The following COLGALT2 variants were observed in gnomAD, a reference collection of about 807,000 sequenced individuals.
The protein encoded by COLGALT2 is procollagen galactosyltransferase 2.
In COLGALT2, 49 loss-of-function variants were observed where a neutral mutation model predicts 73.4. The ratio of observed to expected loss-of-function variants is 0.67; its 90% CI spans 0.53 to 0.85. The LOEUF (loss-of-function observed/expected upper bound fraction) is 0.85. Ranked by LOEUF, COLGALT2 falls within the 40% of genes least tolerant of loss-of-function variation. The probability of loss-of-function intolerance (pLI) is 0.00; values close to 1 mark genes in which losing one functional copy is unlikely to be tolerated. For synonymous variants in COLGALT2, 295 were observed against 307.6 expected (o/e 0.96, Z 0.43); for missense variants, 722 against 790.2 (o/e 0.91, Z 1.03).
chr1:183,965,903 C>T (rs906491802), intron 5 of COLGALT2, among the ~76,000 whole-genome samples: 4 of 152,118 alleles, frequency 2.6e-5, no homozygotes, highest in African/African-American at 9.7e-5. Flanking sequence ...AATGGGAGAA[C>T]AGGGTGATGA....
At chr1:183,990,093 T>C (rs186604134) in intron 1 of COLGALT2, among the ~76,000 whole-genome samples, 38 of 152,338 alleles carry the variant, frequency 2.5e-4, no homozygotes, top group African/African-American at 9.1e-4. Flanking sequence ...CACATGCCCA[T>C]AGCAAGGACT....
chr1:184,005,217 C>T (rs1672040383), intron 1 of COLGALT2, among the ~76,000 whole-genome samples: 1 of 152,128 alleles, frequency 6.6e-6, no homozygotes, highest in Non-Finnish European at 1.5e-5. Flanking sequence ...CTCCAGGCTC[C>T]CTGGGCCTAT....
intron 1 of COLGALT2, among the ~76,000 whole-genome samples, chr1:184,002,838 A>G (rs77960807): frequency 0.016 from 2,369 of 152,330 alleles, 16 homozygotes; most frequent in Non-Finnish European, 0.026. Flanking sequence ...TTTAAAATTC[A>G]CATTTTTTTA....
downstream of COLGALT2, among the ~76,000 whole-genome samples, chr1:183,932,615 G>A (rs533410175): frequency 6.6e-6 from 1 of 152,262 alleles, no homozygotes; most frequent in African/African-American, 2.4e-5. Context: ...GGGCGTCCAG[G>A]GCTCCTGCAG....
chr1:183,985,306 C>G (rs1489208965), intron 1 of COLGALT2, among the ~76,000 whole-genome samples: 1 of 152,074 alleles, frequency 6.6e-6, no homozygotes, highest in Non-Finnish European at 1.5e-5. Flanking sequence ...GAGTTTCACT[C>G]TTGTTGCCCA....
At chr1:183,967,633 G>C (rs1174089550) in intron 5 of COLGALT2, among the ~76,000 whole-genome samples, 1 of 152,202 alleles carries the variant, frequency 6.6e-6, no homozygotes, top group Non-Finnish European at 1.5e-5. Context: ...GCTTTGTGCA[G>C]TGACTATAAA....
At chr1:183,965,603 G>C (rs1475478528) in intron 5 of COLGALT2, among the ~76,000 whole-genome samples, 2 of 152,192 alleles carry the variant, frequency 1.3e-5, no homozygotes, top group East Asian at 3.8e-4. Flanking sequence ...GATAGCTTCA[G>C]CACCACTTGG....
intron 1 of COLGALT2, among the ~76,000 whole-genome samples, chr1:184,026,623 G>A (rs1649339872): frequency 6.6e-6 from 1 of 152,148 alleles, no homozygotes; most frequent in Non-Finnish European, 1.5e-5. Context: ...AGACACCAGG[G>A]TTAGGGACTT....
chr1:183,989,858 G>C (rs1049804317), intron 1 of COLGALT2, among the ~76,000 whole-genome samples: 20 of 152,070 alleles, frequency 1.3e-4, no homozygotes, highest in Admixed American at 8.5e-4. Flanking sequence ...TAGCTCACTG[G>C]GTTATTTTGA....
At chr1:184,027,604 A>C (rs902000377) in intron 1 of COLGALT2, among the ~76,000 whole-genome samples, 2 of 152,226 alleles carry the variant, frequency 1.3e-5, no homozygotes, top group African/African-American at 2.4e-5. Context: ...ACCAATGGGG[A>C]CAAGTCACTT....
chr1:183,954,859 G>A, intron 6 of COLGALT2, 21 bp from the exon 7 acceptor site: 1 of 1,579,646 alleles, frequency 6.3e-7, no homozygotes, highest in Non-Finnish European at 8.7e-7. Context: ...CAAGAAACAT[G>A]CAGAGTGCTT....
intron 5 of COLGALT2, among the ~76,000 whole-genome samples, chr1:183,966,695 G>A (rs545173373): frequency 7.4e-4 from 113 of 152,300 alleles, no homozygotes; most frequent in African/African-American, 2.6e-3. Context: ...CGACTGGCTG[G>A]CACTGGGATG....
intron 1 of COLGALT2, among the ~76,000 whole-genome samples, chr1:183,983,366 GT>G: frequency 6.6e-6 from 1 of 152,236 alleles, no homozygotes; most frequent in Non-Finnish European, 1.5e-5. Context: ...CCTCCCCAAT[GT>G]CAAAAAAGGC....
In COLGALT2 at chr1:183,940,659, T is replaced by C; in HGVS notation, c.1526A>G (p.Lys509Arg). The C allele has an allele frequency of 6.2e-7, 1 of 1,614,216 alleles. No homozygotes were observed. Among genetic ancestry groups the C allele is most frequent in the Non-Finnish European group, 8.5e-7 (1 of 1,180,038 alleles). ...GYVISLEGAQKLVGANPFGKM... is the reference protein window; with the variant it reads ...GYVISLEGAQRLVGANPFGKM... ...CCCAAAAGGATTGGCTCCAACCAGC[T>C]TCTGTGCTCCTTCCAGAGAGATGAC... Residue 509 changes from lysine to arginine, a missense_variant, in exon 11 of 12, where the codon AAG (lysine) becomes AGG (arginine). Lys to Arg is a conservative substitution (Grantham distance 26, BLOSUM62 2). Transcript: ENST00000361927.
chr1:184,000,899 G>A lies in COLGALT2; in HGVS notation c.264-22379C>T, dbSNP rs1384704299. ...GGCTGGAGTGCAGTGGAGCGATCTCGGCTCACTGCAAGCTCTGCCTCCCGG... is the reference window on the plus strand; with the variant it reads ...GGCTGGAGTGCAGTGGAGCGATCTCAGCTCACTGCAAGCTCTGCCTCCCGG... On this transcript the variant is annotated intron_variant, in intron 1 of 11. Coordinates refer to ENST00000361927, the MANE Select transcript of COLGALT2 (RefSeq NM_015101.4). 2.7e-5 allele frequency among the ~76,000 whole-genome samples: 4 copies of A among 146,796 alleles called. No homozygotes were observed. In the South Asian group the frequency reaches 6.4e-4, roughly 24 times the overall value.
At chr1:183,935,811 C>G, downstream of COLGALT2, 1 of 978,210 alleles carries the variant, frequency 1.0e-6, no homozygotes. Flanking sequence ...TCAGTGCCTG[C>G]GGAAGCAATT....
intron 11 of COLGALT2, among the ~76,000 whole-genome samples, chr1:183,939,356 C>T (rs1026216139): frequency 2.0e-5 from 3 of 152,170 alleles, no homozygotes; most frequent in Non-Finnish European, 2.9e-5. Context: ...GATCACTTCA[C>T]CAAAAATGCC....
chr1:183,964,348 G>A (rs1433911281), intron 5 of COLGALT2: 1 of 363,682 alleles, frequency 2.7e-6, no homozygotes, highest in East Asian at 4.1e-5. Context: ...CCATTCTGGA[G>A]AGCAGAATGG....
At position 183,999,522 on chromosome 1, in the gene COLGALT2, A is replaced by G. The variant is rs572586866; in HGVS notation, c.264-21002T>C. Among the ~76,000 whole-genome samples the G allele has an allele frequency of 2.6e-4, 40 of 152,234 alleles. No homozygotes were observed. In the South Asian group the frequency reaches 5.6e-3, roughly 21 times the overall value. ...GCTTTTCTAATCACTCAATGAGTATATATAATGTTGGAATGATCTTTTCAT... is the reference window on the plus strand; with the variant it reads ...GCTTTTCTAATCACTCAATGAGTATGTATAATGTTGGAATGATCTTTTCAT... On this transcript the variant is annotated intron_variant, in intron 1 of 11. Transcript: ENST00000361927.
Sources: allele counts gnomAD v4.1 joint callset (sites outside exome capture counted in the v4.1 genomes callset), GRCh38; gene constraint gnomAD v4.1.1; transcripts MANE v1.5; gene names NCBI Gene and HGNC (gene_info 2026-07-23, HGNC 2026-07-21).